CDH13: variants seen among roughly 807,000 people sequenced by gnomAD.
CDH13 encodes cadherin-13.
In CDH13, 24 loss-of-function variants were observed where a neutral mutation model predicts 63.8. The ratio of observed to expected loss-of-function variants is 0.38; its 90% CI spans 0.27 to 0.53. CDH13 has a LOEUF of 0.53. Among genes scored for constraint, CDH13 ranks in the 20% least tolerant of loss-of-function variants. The probability of loss-of-function intolerance (pLI) is 0.85; values close to 1 mark genes in which losing one functional copy is unlikely to be tolerated. For missense variants in CDH13, 1,049 were observed against 903.1 expected (o/e 1.16, Z -2.07); for synonymous variants, 503 against 355.3 (o/e 1.42, Z -4.67).
chr16:83,214,196 A>G (rs1419510893), intron 4 of CDH13, among the ~76,000 whole-genome samples: 2 of 152,082 alleles, frequency 1.3e-5, no homozygotes, highest in African/African-American at 4.8e-5. Context: ...GTGACAGAGA[A>G]GAGGTGAGTG....
chr16:83,345,374 T>C (rs2090818314), intron 6 of CDH13, among the ~76,000 whole-genome samples: 1 of 152,186 alleles, frequency 6.6e-6, no homozygotes, highest in Non-Finnish European at 1.5e-5. Flanking sequence ...CATTACAAAC[T>C]CCTCAGTTCT....
At chr16:83,471,720 C>G (rs16960577) in intron 6 of CDH13, among the ~76,000 whole-genome samples, 3,821 of 152,238 alleles carry the variant, frequency 0.025, 164 homozygotes, top group African/African-American at 0.086. Flanking sequence ...AACCTGGGCT[C>G]TAAACCACTA....
intron 3 of CDH13, among the ~76,000 whole-genome samples, chr16:83,038,625 G>A (rs541469868): frequency 3.9e-5 from 6 of 152,162 alleles, no homozygotes; most frequent in Non-Finnish European, 7.4e-5. Context: ...AGGATGAAAC[G>A]AAAAACAGTG....
chr16:82,760,594 G>A (rs2034797320), intron 1 of CDH13, among the ~76,000 whole-genome samples: 1 of 152,060 alleles, frequency 6.6e-6, no homozygotes. Context: ...CATACAAGAG[G>A]GAAACAGAAG....
At chr16:82,784,536 G>T (rs1396121802) in intron 1 of CDH13, among the ~76,000 whole-genome samples, 1 of 152,130 alleles carries the variant, frequency 6.6e-6, no homozygotes, top group Non-Finnish European at 1.5e-5. Context: ...TAGGAGCTGA[G>T]GATACAGCTG....
chr16:83,749,714 A>T (rs1279546019), intron 11 of CDH13, among the ~76,000 whole-genome samples: 1 of 152,158 alleles, frequency 6.6e-6, no homozygotes, highest in Non-Finnish European at 1.5e-5. Flanking sequence ...TGAATAATAC[A>T]TGGTCCTTGT....
rs184584534 is a variant in CDH13 at position 83,521,756 on chromosome 16, C to A, written c.960+35101C>A. ...GGGATGCAACCTGGGTGCATGGAAC[C>A]AGCCCTGGCTTCAGAGTTAGAGGGG... On this transcript the variant is annotated intron_variant, in intron 7 of 13. Transcript: ENST00000567109. 3.9e-5 allele frequency among the ~76,000 whole-genome samples: 6 copies of A among 152,324 alleles called. No individual in the cohort carries two copies. In the East Asian group the frequency reaches 1.2e-3, roughly 29 times the overall value.
intron 7 of CDH13, among the ~76,000 whole-genome samples, chr16:83,562,172 A>G (rs187659729): frequency 1.6e-4 from 24 of 152,312 alleles, no homozygotes; most frequent in African/African-American, 5.8e-4. Context: ...AGGCTCTGAC[A>G]TAGTGGAACT....
At chr16:82,708,940 C>T (rs541248279) in intron 1 of CDH13, among the ~76,000 whole-genome samples, 12 of 152,246 alleles carry the variant, frequency 7.9e-5, no homozygotes, top group South Asian at 2.1e-4. Flanking sequence ...ATTTGGCAAC[C>T]GTGAATCTAT....
intron 3 of CDH13, among the ~76,000 whole-genome samples, chr16:83,120,125 C>G (rs561130588): frequency 3.6e-5 from 5 of 139,206 alleles, no homozygotes; most frequent in Non-Finnish European, 5.9e-5. Flanking sequence ...CCTCCAGCAG[C>G]CCCCGAACCC....
chr16:83,013,139 A>G (rs1461766299), intron 2 of CDH13, among the ~76,000 whole-genome samples: 2 of 152,374 alleles, frequency 1.3e-5, no homozygotes, highest in African/African-American at 2.4e-5. Context: ...AGGATTAGAA[A>G]GTAAATATTT....
At chr16:83,573,286 A>G (rs916981352) in intron 7 of CDH13, among the ~76,000 whole-genome samples, 1 of 152,134 alleles carries the variant, frequency 6.6e-6, no homozygotes, top group South Asian at 2.1e-4. Flanking sequence ...ATTTTAAATG[A>G]TTTGGATCCT....
intron 3 of CDH13, among the ~76,000 whole-genome samples, chr16:83,095,542 T>C (rs1567824518): frequency 6.6e-6 from 1 of 152,202 alleles, no homozygotes; most frequent in South Asian, 2.1e-4. Context: ...TATCACGTTA[T>C]CTTTCTATGA....
At chr16:83,411,829 T>C in intron 6 of CDH13, among the ~76,000 whole-genome samples, 1 of 152,234 alleles carries the variant, frequency 6.6e-6, no homozygotes, top group Non-Finnish European at 1.5e-5. Flanking sequence ...ATATGTGTAC[T>C]GGCATCTGAC....
chr16:83,477,829 C>G (rs2073645818), intron 6 of CDH13, among the ~76,000 whole-genome samples: 1 of 152,084 alleles, frequency 6.6e-6, no homozygotes, highest in Non-Finnish European at 1.5e-5. Context: ...ACTGAGTGAT[C>G]TTTTATTTTT....
At chr16:83,618,512 C>G (rs1051267378) in intron 8 of CDH13, among the ~76,000 whole-genome samples, 4 of 151,552 alleles carry the variant, frequency 2.6e-5, no homozygotes, top group African/African-American at 4.9e-5. Flanking sequence ...AGGTAGAAAA[C>G]AGATCCCAGA....
intron 9 of CDH13, among the ~76,000 whole-genome samples, chr16:83,676,148 G>T (rs1409538553): frequency 6.6e-6 from 1 of 152,184 alleles, no homozygotes; most frequent in Non-Finnish European, 1.5e-5. Context: ...CGAGGAAAAG[G>T]AGCTGAGCGG....
At chr16:82,889,260 C>T (rs980900118) in intron 2 of CDH13, among the ~76,000 whole-genome samples, 1 of 151,984 alleles carries the variant, frequency 6.6e-6, no homozygotes, top group Admixed American at 6.6e-5. Flanking sequence ...AACTGTAGCA[C>T]TCTTGATTCA....
intron 2 of CDH13, among the ~76,000 whole-genome samples, chr16:82,869,158 T>C (rs2040256442): frequency 6.6e-6 from 1 of 152,174 alleles, no homozygotes. Flanking sequence ...GCTATTCTCA[T>C]GCCTCAGCCT....
Sources: gnomAD v4.1 joint callset for allele counts (sites outside exome capture counted in the v4.1 genomes callset) on GRCh38, gnomAD v4.1.1 for gene constraint, MANE v1.5 for transcripts, NCBI Gene and HGNC (gene_info 2026-07-23, HGNC 2026-07-21) for gene names.